The following GLCCI1 variants were observed in gnomAD, a reference collection of about 807,000 sequenced individuals.
The protein encoded by GLCCI1 is glucocorticoid-induced transcript 1 protein.
A neutral mutation model predicts 52.2 loss-of-function variants in GLCCI1; 24 were observed. The ratio of observed to expected loss-of-function variants is 0.46; its 90% confidence interval spans 0.33 to 0.65. The LOEUF (loss-of-function observed/expected upper bound fraction) is 0.65, where lower values mean the gene tolerates loss of function less well. Ranked by LOEUF, GLCCI1 falls within the 30% of genes least tolerant of loss-of-function variation. The pLI is 0.02. For synonymous variants in GLCCI1, 310 were observed against 276.5 expected (o/e 1.12, Z -1.20); for missense variants, 704 against 701.5 (o/e 1.00, Z -0.04).
intron 1 of GLCCI1, among the ~76,000 whole-genome samples, chr7:7,976,567 G>A (rs182906203): frequency 2.3e-4 from 34 of 150,456 alleles, no homozygotes; most frequent in East Asian, 9.7e-4. Context: ...AGTAACCCAC[G>A]GTTGTGTGGC....
chr7:8,012,503 G>T (rs1428326109), intron 2 of GLCCI1, among the ~76,000 whole-genome samples: 2 of 128,588 alleles, frequency 1.6e-5, no homozygotes, highest in Non-Finnish European at 3.1e-5. Context: ...GGAGTGCAGT[G>T]GTGTGATCTC....
chr7:8,035,124 G>A (rs1479105902), intron 3 of GLCCI1, among the ~76,000 whole-genome samples: 1 of 152,162 alleles, frequency 6.6e-6, no homozygotes, highest in Non-Finnish European at 1.5e-5. Context: ...CATAGTGCTG[G>A]CTGGACCCAG....
At chr7:8,031,671 T>C (rs1236964349) in intron 3 of GLCCI1, among the ~76,000 whole-genome samples, 2 of 152,036 alleles carry the variant, frequency 1.3e-5, no homozygotes, top group Non-Finnish European at 2.9e-5. Context: ...TAAATACATA[T>C]ACCTACTATG....
chr7:7,984,118 T>C (rs1291441313), intron 1 of GLCCI1, among the ~76,000 whole-genome samples: 1 of 152,186 alleles, frequency 6.6e-6, no homozygotes, highest in Non-Finnish European at 1.5e-5. Flanking sequence ...CTGATTGCAG[T>C]GGCGCAATCA....
intron 3 of GLCCI1, among the ~76,000 whole-genome samples, chr7:8,025,308 G>T (rs751049157): frequency 1.3e-5 from 2 of 151,892 alleles, no homozygotes; most frequent in Non-Finnish European, 2.9e-5. Flanking sequence ...CCACTGCACT[G>T]CAGCCTGGGT....
chr7:8,013,958 G>A (rs1781324202), intron 2 of GLCCI1, among the ~76,000 whole-genome samples: 1 of 149,214 alleles, frequency 6.7e-6, no homozygotes, highest in African/African-American at 2.5e-5. Context: ...CGAGAACCAT[G>A]TAAACTAACA....
chr7:8,061,101 CTTT>C (rs1183119492), intron 5 of GLCCI1, among the ~76,000 whole-genome samples: 4 of 138,886 alleles, frequency 2.9e-5, no homozygotes, highest in Non-Finnish European at 1.6e-5. Flanking sequence ...TGCTAGTGAT[CTTT>C]TTTTTTTTTT....
intron 3 of GLCCI1, among the ~76,000 whole-genome samples, chr7:8,029,627 C>T (rs1781700904): frequency 1.3e-5 from 2 of 152,034 alleles, no homozygotes; most frequent in African/African-American, 4.8e-5. Flanking sequence ...TCAAATTATC[C>T]TTGTTTGTAG....
chr7:8,078,195 C>T (rs550627858), intron 6 of GLCCI1, among the ~76,000 whole-genome samples: 95 of 117,916 alleles, frequency 8.1e-4, no homozygotes, highest in Middle Eastern at 0.013. Context: ...GGCGACAGTG[C>T]GAGACTCCGT....
chr7:8,025,304 C>T (rs1316183671), intron 3 of GLCCI1, among the ~76,000 whole-genome samples: 1 of 152,042 alleles, frequency 6.6e-6, no homozygotes, highest in African/African-American at 2.4e-5. Context: ...CGCGCCACTG[C>T]ACTGCAGCCT....
intron 5 of GLCCI1, among the ~76,000 whole-genome samples, chr7:8,061,619 T>C (rs1420484434): frequency 6.6e-6 from 1 of 150,570 alleles, no homozygotes; most frequent in Non-Finnish European, 1.5e-5. Context: ...ATCAAGGAAC[T>C]CTTTGGACAT....
Position 7,996,594 on chromosome 7 carries a change from T to G in GLCCI1, c.458-7314T>G, listed in dbSNP as rs1003507961. ...TGAAGGCCTCCTTCTAAATGTCTTA[T>G]GTGTCATTTGACATAAGTTTATTGG... On this transcript the variant is annotated intron_variant, in intron 1 of 7. Transcript: ENST00000223145. 7.2e-5 allele frequency among the ~76,000 whole-genome samples: 11 copies of G among 152,238 alleles called. 1 individual carries two copies. In the East Asian group the frequency reaches 2.1e-3, roughly 29 times the overall value.
intron 6 of GLCCI1, among the ~76,000 whole-genome samples, chr7:8,075,856 G>T (rs1221964842): frequency 6.6e-6 from 1 of 152,194 alleles, no homozygotes; most frequent in Non-Finnish European, 1.5e-5. Context: ...ACACTATGTG[G>T]ATAGAGTTTC....
intron 6 of GLCCI1, among the ~76,000 whole-genome samples, chr7:8,076,974 A>G (rs1782888635): frequency 6.6e-6 from 1 of 152,130 alleles, no homozygotes; most frequent in South Asian, 2.1e-4. Flanking sequence ...AGTGTGTGAT[A>G]CTCTTCATAA....
intron 4 of GLCCI1, among the ~76,000 whole-genome samples, chr7:8,055,948 G>A (rs528348750): frequency 2.4e-4 from 35 of 146,812 alleles, no homozygotes; most frequent in African/African-American, 7.6e-4. Context: ...AGCCAAGATC[G>A]CGCCGCTGCA....
At chr7:8,029,592 G>A (rs750234270) in intron 3 of GLCCI1, among the ~76,000 whole-genome samples, 3 of 152,036 alleles carry the variant, frequency 2.0e-5, no homozygotes, top group Non-Finnish European at 4.4e-5. Context: ...AGAAATAAAG[G>A]GTATTTGAAT....
chr7:8,001,921 G>C (rs1269609580), intron 1 of GLCCI1, among the ~76,000 whole-genome samples: 2 of 152,102 alleles, frequency 1.3e-5, no homozygotes, highest in Admixed American at 1.3e-4. Flanking sequence ...ACAGGAAGGG[G>C]AACATCACAC....
At chr7:8,078,022 C>T (rs1270801381) in intron 6 of GLCCI1, among the ~76,000 whole-genome samples, 1 of 151,856 alleles carries the variant, frequency 6.6e-6, no homozygotes, top group Non-Finnish European at 1.5e-5. Context: ...ATAACGAGGT[C>T]AGGAAATCGA....
chr7:8,043,488 A>C (rs1199668849), intron 3 of GLCCI1, among the ~76,000 whole-genome samples: 4 of 152,238 alleles, frequency 2.6e-5, no homozygotes. Flanking sequence ...ACTACATGTT[A>C]TATGATTATA....
Sources: gnomAD v4.1 joint callset for allele counts (sites outside exome capture counted in the v4.1 genomes callset) on GRCh38, gnomAD v4.1.1 for gene constraint, MANE v1.5 for transcripts, NCBI Gene and HGNC (gene_info 2026-07-23, HGNC 2026-07-21) for gene names.